Variants in HS3ST5 observed in about 807,000 individuals in gnomAD.
The protein encoded by HS3ST5 is heparan sulfate glucosamine 3-O-sulfotransferase 5.
Under a neutral mutation model 25.4 loss-of-function variants are expected in HS3ST5, and 10 were observed. The observed-to-expected ratio is 0.39, with a 90% confidence interval of 0.24 to 0.67. The LOEUF (loss-of-function observed/expected upper bound fraction) is 0.67. Among genes scored for constraint, HS3ST5 ranks in the 30% least tolerant of loss-of-function variants. The pLI is 0.44. For missense variants in HS3ST5, 324 were observed against 420.7 expected (o/e 0.77, Z 2.01); for synonymous variants, 170 against 162.4 (o/e 1.05, Z -0.36).
At chr6:114,122,313 T>C (rs1435524604) in intron 3 of HS3ST5, among the ~76,000 whole-genome samples, 1 of 152,188 alleles carries the variant, frequency 6.6e-6, no homozygotes, top group Non-Finnish European at 1.5e-5. Context: ...AAGCATTCAT[T>C]AATTCACCTA....
intron 3 of HS3ST5, among the ~76,000 whole-genome samples, chr6:114,135,245 T>C (rs1777537270): frequency 6.6e-6 from 1 of 152,232 alleles, no homozygotes; most frequent in African/African-American, 2.4e-5. Flanking sequence ...TGATCATTCC[T>C]TCCATAATTC....
intron 2 of HS3ST5, among the ~76,000 whole-genome samples, chr6:114,218,675 C>T (rs1781884743): frequency 6.6e-6 from 1 of 152,158 alleles, no homozygotes; most frequent in African/African-American, 2.4e-5. Flanking sequence ...ATGAAAAATG[C>T]CATTCCCTGA....
At chr6:114,248,387 A>G (rs1341036214) in intron 1 of HS3ST5, among the ~76,000 whole-genome samples, 1 of 151,840 alleles carries the variant, frequency 6.6e-6, no homozygotes, top group Non-Finnish European at 1.5e-5. Context: ...AAAATTATGC[A>G]TCTCTAAATA....
intron 3 of HS3ST5, among the ~76,000 whole-genome samples, chr6:114,081,551 T>C (rs905619098): frequency 1.3e-5 from 2 of 152,210 alleles, no homozygotes; most frequent in Non-Finnish European, 2.9e-5. Flanking sequence ...CAACGGTTCC[T>C]CTCATAAAAT....
intron 3 of HS3ST5, among the ~76,000 whole-genome samples, chr6:114,123,037 C>G (rs1776867293): frequency 6.6e-6 from 1 of 152,190 alleles, no homozygotes; most frequent in Non-Finnish European, 1.5e-5. Context: ...ACCGCAAACT[C>G]CACCTCCTGG....
intron 1 of HS3ST5, among the ~76,000 whole-genome samples, chr6:114,335,375 T>G (rs539454569): frequency 5.1e-4 from 77 of 152,222 alleles, no homozygotes; most frequent in Non-Finnish European, 9.1e-4. Flanking sequence ...TCACATTTAG[T>G]GACCAGAGTT....
intron 3 of HS3ST5, among the ~76,000 whole-genome samples, chr6:114,090,296 T>C (rs545448471): frequency 6.6e-6 from 1 of 152,184 alleles, no homozygotes; most frequent in South Asian, 2.1e-4. Flanking sequence ...AATTTGGCAA[T>C]CTGGTTTATT....
chr6:114,246,569 A>G (rs1772388693), intron 1 of HS3ST5, among the ~76,000 whole-genome samples: 1 of 152,222 alleles, frequency 6.6e-6, no homozygotes, highest in Non-Finnish European at 1.5e-5. Flanking sequence ...AAGCTAAGGC[A>G]AATAAAAAGT....
chr6:114,112,045 C>T (rs1450505531), intron 3 of HS3ST5, among the ~76,000 whole-genome samples: 1 of 152,066 alleles, frequency 6.6e-6, no homozygotes, highest in Non-Finnish European at 1.5e-5. Flanking sequence ...TATAATTATC[C>T]CTCATAAACA....
rs1316414050 is a variant in HS3ST5, at chr6:114,315,953, C to G, written c.-339+26242G>C. 2.6e-5 allele frequency among the ~76,000 whole-genome samples: 4 copies of G among 152,244 alleles called. No individual in the cohort carries two copies. The East Asian group carries it at 7.7e-4, about 29-fold the overall frequency. ...GAAGTGTATCTCTGAGTTTACTGCG[C>G]CTCACTGGTTTCAGCTCAATTGTTT... is the stretch of plus-strand genomic sequence containing the variant. On this transcript the variant is annotated intron_variant, in intron 1 of 4. Coordinates refer to ENST00000312719, the MANE Select transcript of HS3ST5 (RefSeq NM_153612.4).
intron 1 of HS3ST5, among the ~76,000 whole-genome samples, chr6:114,263,550 C>A (rs958806411): frequency 6.6e-6 from 1 of 152,176 alleles, no homozygotes; most frequent in Non-Finnish European, 1.5e-5. Context: ...TTTCTGCCAA[C>A]CTTATTTTAG....
intron 3 of HS3ST5, among the ~76,000 whole-genome samples, chr6:114,140,569 C>T (rs560750173): frequency 3.3e-5 from 5 of 152,232 alleles, no homozygotes; most frequent in African/African-American, 9.6e-5. Context: ...TAAATAAAGG[C>T]TTAGAAAGCA....
At chr6:114,167,911 C>T (rs904579826) in intron 3 of HS3ST5, among the ~76,000 whole-genome samples, 3 of 151,836 alleles carry the variant, frequency 2.0e-5, no homozygotes, top group South Asian at 2.1e-4. Flanking sequence ...GTTTGGCGTT[C>T]GAGAGTAAAC....
intron 2 of HS3ST5, among the ~76,000 whole-genome samples, chr6:114,204,915 A>G (rs994969995): frequency 6.6e-6 from 1 of 152,216 alleles, no homozygotes; most frequent in African/African-American, 2.4e-5. Flanking sequence ...GCTCTTGATA[A>G]GTACACAACA....
chr6:114,216,728 T>TAAAAAAAAAAAAAAA (rs760077446), intron 2 of HS3ST5, among the ~76,000 whole-genome samples: 1 of 90,160 alleles, frequency 1.1e-5, no homozygotes, highest in African/African-American at 4.2e-5. Flanking sequence ...TCGTCCTCCT[T>TAAAAAAAAAAAAAAA]AAAAAAAAAA....
At chr6:114,132,658 G>T (rs960970082) in intron 3 of HS3ST5, among the ~76,000 whole-genome samples, 4 of 152,174 alleles carry the variant, frequency 2.6e-5, no homozygotes, top group Non-Finnish European at 4.4e-5. Context: ...CAGATATAAG[G>T]GGGGAAAGGG....
In HS3ST5 at chr6:114,208,414, C is replaced by T. The variant is rs118036762; in HGVS notation, c.-145+20171G>A. Among the ~76,000 whole-genome samples, 744 of 152,304 alleles carry T rather than the reference C, an allele frequency of 4.9e-3. 4 individuals are homozygous for T. The highest frequency in any genetic ancestry group is 7.6e-3 in the Non-Finnish European group (520 of 68,018). On this transcript the variant is annotated intron_variant, in intron 2 of 4. Coordinates refer to ENST00000312719, the MANE Select transcript of HS3ST5 (RefSeq NM_153612.4). ...CTTCATTGTGGGCACTGGTCATTCACCCAGACAATTATTGTCCCTTGACCC... is the reference window on the plus strand; with the variant it reads ...CTTCATTGTGGGCACTGGTCATTCATCCAGACAATTATTGTCCCTTGACCC...
At chr6:114,220,668 T>G (rs1048537007) in intron 2 of HS3ST5, 7 of 151,958 alleles carry the variant, frequency 4.6e-5, no homozygotes, top group African/African-American at 1.7e-4. Context: ...CATTTATTTT[T>G]CAAAGAAAAA....
intron 3 of HS3ST5, among the ~76,000 whole-genome samples, chr6:114,102,359 T>C (rs1398944877): frequency 6.6e-6 from 1 of 152,214 alleles, no homozygotes; most frequent in Non-Finnish European, 1.5e-5. Context: ...ATCTCTGTCA[T>C]TCGGCACTGA....
Sources: gnomAD v4.1 joint callset for allele counts (sites outside exome capture counted in the v4.1 genomes callset) on GRCh38, gnomAD v4.1.1 for gene constraint, MANE v1.5 for transcripts, NCBI Gene and HGNC (gene_info 2026-07-23, HGNC 2026-07-21) for gene names.